The following CD300LF variants were observed in gnomAD, a reference collection of about 807,000 sequenced individuals.
The protein encoded by CD300LF is CMRF35-like molecule 1.
A neutral mutation model predicts 32.2 loss-of-function variants in CD300LF; 27 were observed. That is an observed-to-expected ratio of 0.84 (90% CI 0.62 to 1.15). CD300LF has a LOEUF of 1.15. Among genes scored for constraint, CD300LF ranks in the 50% most tolerant of loss-of-function variants. The probability of loss-of-function intolerance (pLI) is 0.00; values close to 1 mark genes in which losing one functional copy is unlikely to be tolerated. For synonymous variants in CD300LF, 139 were observed against 143.2 expected, an observed-to-expected ratio of 0.97 and a Z score of 0.21; for missense variants, 348 against 356.8, an observed-to-expected ratio of 0.98 and a Z score of 0.20.
rs893817560 is a variant in CD300LF, at chr17:74,695,112, G to A, written c.857C>T (p.Thr286Ile). Reference sequence around the variant, plus strand: ...GAGTGCAGGCTAAGGCCTGCTGATGGTGCTGTATTCCGTGGGCTCCTCAGG... The same window carrying A: ...GAGTGCAGGCTAAGGCCTGCTGATGATGCTGTATTCCGTGGGCTCCTCAGG... ...RGPEEPTEYS[T>I]ISRP The change falls in exon 7 of 7, where the codon ACC (threonine) becomes ATC (isoleucine). Residue 286 changes from threonine (T) to isoleucine (I), a missense_variant. Coordinates refer to ENST00000326165, the MANE Select transcript of CD300LF (RefSeq NM_139018.5). 1.2e-6 allele frequency: 2 copies of A among 1,613,920 alleles called. No homozygotes were observed. The highest frequency in any genetic ancestry group is 1.7e-6 in the Non-Finnish European group (2 of 1,179,950).
At chr17:74,696,663 G>T (rs543917292) in intron 4 of CD300LF, among the ~76,000 whole-genome samples, 2 of 152,198 alleles carry the variant, frequency 1.3e-5, no homozygotes, top group Admixed American at 1.3e-4. Context: ...GGCCCCCGGG[G>T]GGCACTTGCT....
Position 74,694,826 on chromosome 17 carries a change from A to G in CD300LF, c.*270T>C. On this transcript the variant is annotated 3_prime_UTR_variant, in exon 7 of 7. Transcript: ENST00000326165. The stretch of plus-strand genomic sequence containing the variant: ...TAATGATAACATTTTTCTCATTATC[A>G]TCTTCATCATTCCCATGAAAGCCCC... The G allele has an allele frequency of 5.8e-6, 2 of 347,692 alleles. No homozygotes were observed. The highest frequency in any genetic ancestry group is 1.0e-5 in the Non-Finnish European group (2 of 193,100). The allele number at this position is 347,692 out of a possible 1,614,324, so 21.5% of individuals were successfully genotyped here.
chr17:74,694,620 C>G lies in CD300LF; in HGVS notation c.*476G>C, dbSNP rs2032258203. The G allele has an allele frequency of 6.6e-6, 1 of 152,570 alleles. No homozygotes were observed. Among genetic ancestry groups the G allele is most frequent in the African/African-American group, 2.4e-5 (1 of 41,448 alleles). The allele number at this position is 152,570 out of a possible 1,614,324, so 9.5% of individuals were successfully genotyped here. On this transcript the variant is annotated 3_prime_UTR_variant, in exon 7 of 7. Coordinates refer to ENST00000326165, the MANE Select transcript of CD300LF (RefSeq NM_139018.5). ...CCACCTGAATCAGCAAGAATAACCT[C>G]TCTATCTCAAAGTCCTTAACTTACA...
chr17:74,700,685 T>C (rs1448942176), intron 3 of CD300LF, among the ~76,000 whole-genome samples: 3 of 151,368 alleles, frequency 2.0e-5, no homozygotes, highest in African/African-American at 4.9e-5. Context: ...CTGGGAGGCG[T>C]AGGTTGCAGT....
At chr17:74,697,244 A>G (rs2032578710) in intron 4 of CD300LF, among the ~76,000 whole-genome samples, 1 of 151,854 alleles carries the variant, frequency 6.6e-6, no homozygotes, top group Admixed American at 6.6e-5. Context: ...ACACCCAGAG[A>G]TTGGATTGGA....
intron 1 of CD300LF, among the ~76,000 whole-genome samples, chr17:74,711,916 T>G (rs1295949377): frequency 6.7e-6 from 1 of 149,172 alleles, no homozygotes; most frequent in Non-Finnish European, 1.5e-5. Flanking sequence ...CTTTTTTTTT[T>G]TTTTTTGAAA....
chr17:74,702,176 T>A (rs2033114405), intron 3 of CD300LF, among the ~76,000 whole-genome samples: 1 of 152,222 alleles, frequency 6.6e-6, no homozygotes, highest in South Asian at 2.1e-4. Context: ...ACTTGGCACT[T>A]GGCAGATCTA....
intron 1 of CD300LF, among the ~76,000 whole-genome samples, chr17:74,705,021 G>A (rs1436786186): frequency 1.3e-5 from 2 of 152,110 alleles, no homozygotes; most frequent in Admixed American, 6.5e-5. Context: ...GCACAACAAC[G>A]GATCCCCCCA....
In CD300LF at chr17:74,695,864, G is replaced by A. The variant is rs199524741; in HGVS notation, c.583-5C>T. 9.3e-6 allele frequency: 15 copies of A among 1,612,504 alleles called. 1 individual carries two copies. The highest frequency in any genetic ancestry group is 2.7e-5 in the African/African-American group (2 of 75,032). ...GCCCTCCAGGGGCTGCAGTACCTGG[G>A]ACAGGGAACACAGGCTGGGGAGTCA... is the stretch of plus-strand genomic sequence containing the variant. On this transcript the variant is annotated splice_polypyrimidine_tract_variant and splice_region_variant and intron_variant, in intron 5 of 6. Transcript: ENST00000326165.
chr17:74,701,409 A>T (rs2033038450), intron 3 of CD300LF, among the ~76,000 whole-genome samples: 1 of 152,240 alleles, frequency 6.6e-6, no homozygotes, highest in African/African-American at 2.4e-5. Context: ...AAACCATCTC[A>T]TGCTAATCAA....
Position 74,704,829 on chromosome 17 carries a change from A to C in CD300LF, c.44-13T>G. ...ACAATGGAGTAGCCTGGAAAACACA[A>C]ATTCATGTGCTGTCACCTCCCACCC... On this transcript the variant is annotated splice_polypyrimidine_tract_variant and intron_variant, in intron 1 of 6. Transcript: ENST00000326165. 4 of 1,599,652 alleles carry C rather than the reference A, an allele frequency of 2.5e-6. No homozygotes were observed. The highest frequency in any genetic ancestry group is 3.4e-6 in the Non-Finnish European group (4 of 1,169,494).
intron 1 of CD300LF, among the ~76,000 whole-genome samples, chr17:74,712,328 G>A (rs1402158796): frequency 2.0e-5 from 3 of 151,650 alleles, no homozygotes; most frequent in Admixed American, 6.6e-5. Context: ...TGACCTTTCC[G>A]TCCCTCAGCA....
At chr17:74,695,932 C>A in intron 5 of CD300LF, 73 bp from the exon 6 acceptor site, 2 of 1,532,682 alleles carry the variant, frequency 1.3e-6, no homozygotes, top group Non-Finnish European at 1.8e-6. Context: ...CACGGTGGGA[C>A]GGGACGAGAG....
intron 1 of CD300LF, chr17:74,705,238 G>A (rs557586480): frequency 3.6e-5 from 25 of 702,356 alleles, no homozygotes; most frequent in South Asian, 2.8e-4. Flanking sequence ...TCATGAGGTC[G>A]AGCTGAGGCA....
In CD300LF at chr17:74,712,854, T is replaced by C; in HGVS notation, c.13A>G (p.Thr5Ala). Residue 5 changes from threonine to alanine, a missense_variant, in exon 1 of 7, where the codon ACA (threonine) becomes GCA (alanine). Physicochemically the swap from Thr to Ala is moderately conservative, Grantham distance 58 (BLOSUM62 0). Coordinates refer to ENST00000326165, the MANE Select transcript of CD300LF (RefSeq NM_139018.5). ...AGCCAGAAGAGGAGCAGGTAGAGTG[T>C]CAGCAGGGGCATCTTCTCTTCAGAC... MPLL[T>A]LYLLLFWLSG... 1.2e-6 allele frequency: 2 copies of C among 1,613,964 alleles called. No homozygotes were observed. Among genetic ancestry groups the C allele is most frequent in the Non-Finnish European group, 1.7e-6 (2 of 1,179,974 alleles).
rs1479441089 is a variant in CD300LF at position 74,702,024 on chromosome 17, A to T, written c.446+1011T>A. Among the ~76,000 whole-genome samples the T allele has an allele frequency of 4.0e-5, 6 of 150,658 alleles. No homozygotes were observed. In the South Asian group the frequency reaches 6.3e-4, roughly 16 times the overall value. On this transcript the variant is annotated intron_variant, in intron 3 of 6. Coordinates refer to ENST00000326165, the MANE Select transcript of CD300LF (RefSeq NM_139018.5). Reference sequence around the variant, plus strand: ...CTACAGAGCAAGACTGTCTAAAAATAAAAAAAAAGAAAACTTTAAAAAGTT... The same window carrying T: ...CTACAGAGCAAGACTGTCTAAAAATTAAAAAAAAGAAAACTTTAAAAAGTT...
chr17:74,702,055 T>TA (rs368199310), intron 3 of CD300LF, among the ~76,000 whole-genome samples: 1,687 of 146,294 alleles, frequency 0.012, 15 homozygotes, highest in African/African-American at 0.032. Flanking sequence ...AAGTTTAATT[T>TA]AAAAAAAAAA....
chr17:74,704,021 A>G (rs1474247931), intron 2 of CD300LF, among the ~76,000 whole-genome samples: 1 of 152,226 alleles, frequency 6.6e-6, no homozygotes, highest in East Asian at 1.9e-4. Context: ...GACTATGCTG[A>G]GCCTCTTTTT....
Position 74,712,833 on chromosome 17 carries a change from A to G in CD300LF, c.34T>C (p.Trp12Arg). The G allele has an allele frequency of 3.7e-6, 6 of 1,614,066 alleles. No homozygotes were observed. Among genetic ancestry groups the G allele is most frequent in the Non-Finnish European group, 4.2e-6 (5 of 1,179,990 alleles). Residue 12 changes from tryptophan to arginine, a missense_variant, in exon 1 of 7, where the codon TGG (tryptophan) becomes CGG (arginine). Physicochemically the swap from Trp to Arg is moderately radical, Grantham distance 101. Transcript: ENST00000326165. The part of the protein sequence containing the change: ...PLLTLYLLLF[W>R]LSGYSIVTQI... ...ACCCAGGCCCGCTCACCTGAGAGCC[A>G]GAAGAGGAGCAGGTAGAGTGTCAGC...
Sources: gnomAD v4.1 joint callset for allele counts (sites outside exome capture counted in the v4.1 genomes callset) on GRCh38, gnomAD v4.1.1 for gene constraint, MANE v1.5 for transcripts, NCBI Gene and HGNC (gene_info 2026-07-23, HGNC 2026-07-21) for gene names.